Variants in AGBL4 observed in about 807,000 individuals in gnomAD.
AGBL4 encodes the protein AGBL carboxypeptidase 4.
AGBL4 carries 58 observed loss-of-function variants against 66.4 expected under a neutral mutation model. The observed-to-expected ratio is 0.87, with a 90% confidence interval of 0.71 to 1.09. The LOEUF (loss-of-function observed/expected upper bound fraction) is 1.09. Ranked by LOEUF, AGBL4 falls within the 50% of genes least tolerant of loss-of-function variation. AGBL4 has a pLI of 0.00. For synonymous variants in AGBL4, 234 were observed against 222.9 expected, an observed-to-expected ratio of 1.05 and a Z score of -0.44; for missense variants, 579 against 631.0, an observed-to-expected ratio of 0.92 and a Z score of 0.88.
chr1:49,820,982 G>A (rs1275952966), intron 2 of AGBL4, among the ~76,000 whole-genome samples: 1 of 152,140 alleles, frequency 6.6e-6, no homozygotes. Context: ...CAATAGATGT[G>A]AAAACACTTT....
intron 3 of AGBL4, among the ~76,000 whole-genome samples, chr1:49,296,245 A>C (rs1192646178): frequency 6.6e-6 from 1 of 152,194 alleles, no homozygotes; most frequent in Non-Finnish European, 1.5e-5. Context: ...CAGTTGAGAA[A>C]ATAGAGGTTC....
At chr1:48,888,009 G>A (rs1294039292) in intron 5 of AGBL4, among the ~76,000 whole-genome samples, 3 of 152,118 alleles carry the variant, frequency 2.0e-5, no homozygotes, top group African/African-American at 7.2e-5. Flanking sequence ...GGAAGCCAAA[G>A]CCAAAAGCAA....
chr1:49,271,399 T>A (rs932025252), intron 3 of AGBL4, among the ~76,000 whole-genome samples: 3 of 151,796 alleles, frequency 2.0e-5, no homozygotes, highest in Non-Finnish European at 4.4e-5. Context: ...AAAAAAAAAA[T>A]TCAAAAGCCA....
intron 1 of AGBL4, among the ~76,000 whole-genome samples, chr1:49,948,227 TATATAAATATATAA>T (rs1343226212): frequency 9.6e-6 from 1 of 103,844 alleles, no homozygotes; most frequent in Non-Finnish European, 1.7e-5. Flanking sequence ...TATATAAATA[TATATAAATATATAA>T]ATAAATACAT....
chr1:49,190,148 GAAAA>G (rs1259664195), intron 4 of AGBL4, among the ~76,000 whole-genome samples: 1 of 152,200 alleles, frequency 6.6e-6, no homozygotes, highest in Non-Finnish European at 1.5e-5. Context: ...CTAGAGGCCA[GAAAA>G]GTGGTTTCCT....
intron 3 of AGBL4, among the ~76,000 whole-genome samples, chr1:49,263,347 C>G (rs1653410512): frequency 6.6e-6 from 1 of 151,908 alleles, no homozygotes; most frequent in South Asian, 2.1e-4. Flanking sequence ...ATATTGATGA[C>G]TTTCTGAAAA....
intron 5 of AGBL4, among the ~76,000 whole-genome samples, chr1:48,876,773 T>G (rs1269750190): frequency 6.6e-6 from 1 of 152,214 alleles, no homozygotes; most frequent in East Asian, 1.9e-4. Context: ...TTGAGAAGTT[T>G]GTTGCAGATG....
chr1:49,863,924 T>C (rs937610497), intron 1 of AGBL4, among the ~76,000 whole-genome samples: 27 of 152,228 alleles, frequency 1.8e-4, no homozygotes, highest in Admixed American at 1.4e-3. Flanking sequence ...ATCCCACTGC[T>C]GGGTATATAA....
In AGBL4 at chr1:49,219,225, T is replaced by C. The variant is rs375882670; in HGVS notation, c.377+26545A>G. The stretch of plus-strand genomic sequence containing the variant: ...CATCATGGGACAACACATTCTTCTT[T>C]AAATATGTCAGTTTACTGTTAGTCT... On this transcript the variant is annotated intron_variant, in intron 4 of 13. Coordinates refer to ENST00000371839, the MANE Select transcript of AGBL4 (RefSeq NM_032785.4). Among the ~76,000 whole-genome samples, 5 of 152,286 alleles carry C rather than the reference T, an allele frequency of 3.3e-5. No homozygotes were observed. In the South Asian group the frequency reaches 1.0e-3, roughly 32 times the overall value.
At chr1:48,578,717 G>T (rs1202943366) in intron 11 of AGBL4, among the ~76,000 whole-genome samples, 2 of 152,186 alleles carry the variant, frequency 1.3e-5, no homozygotes, top group African/African-American at 2.4e-5. Flanking sequence ...GATCCAAGTG[G>T]ATTAGCAGAT....
intron 3 of AGBL4, among the ~76,000 whole-genome samples, chr1:49,510,674 A>G (rs1649145138): frequency 6.6e-6 from 1 of 151,406 alleles, no homozygotes; most frequent in Non-Finnish European, 1.5e-5. Flanking sequence ...TATGTCCTGA[A>G]TGGTAATGCC....
chr1:49,968,858 G>C (rs1257901068), intron 1 of AGBL4, among the ~76,000 whole-genome samples: 2 of 152,220 alleles, frequency 1.3e-5, no homozygotes, highest in Non-Finnish European at 2.9e-5. Context: ...TCATGGCAAA[G>C]TGACACTGTA....
chr1:49,007,999 C>T, intron 5 of AGBL4, among the ~76,000 whole-genome samples: 2 of 152,170 alleles, frequency 1.3e-5, no homozygotes, highest in Admixed American at 1.3e-4. Flanking sequence ...CTAACATCAT[C>T]ATGACAGGAT....
chr1:48,776,879 C>T (rs1286787171), intron 6 of AGBL4: 8 of 870,760 alleles, frequency 9.2e-6, no homozygotes, highest in Non-Finnish European at 1.2e-5. Flanking sequence ...GCCCGCGGGG[C>T]GGGCGCGGAG....
intron 3 of AGBL4, 73 bp downstream of exon 3, chr1:49,697,240 A>C (rs537200811): frequency 3.5e-6 from 5 of 1,423,044 alleles, no homozygotes; most frequent in Admixed American, 2.1e-5. Flanking sequence ...CATTATTTTG[A>C]TATTTCTAAA....
chr1:48,835,226 A>G (rs1013232744), intron 6 of AGBL4, among the ~76,000 whole-genome samples: 1 of 152,112 alleles, frequency 6.6e-6, no homozygotes, highest in Non-Finnish European at 1.5e-5. Flanking sequence ...CCCTGCCAAA[A>G]TTATCTCTTA....
At chr1:49,676,370 T>C (rs1294340005) in intron 3 of AGBL4, among the ~76,000 whole-genome samples, 1 of 152,070 alleles carries the variant, frequency 6.6e-6, no homozygotes, top group African/African-American at 2.4e-5. Flanking sequence ...CATGAGGGAA[T>C]ATATGGTCTA....
At chr1:48,776,562 G>GC in intron 6 of AGBL4, 6 of 1,016,232 alleles carry the variant, frequency 5.9e-6, no homozygotes, top group Non-Finnish European at 7.7e-6. Flanking sequence ...CGGGGTCCCA[G>GC]CCCCCGCCCG....
chr1:48,974,351 T>C (rs553134416), intron 5 of AGBL4, among the ~76,000 whole-genome samples: 2 of 152,144 alleles, frequency 1.3e-5, no homozygotes, highest in Non-Finnish European at 2.9e-5. Flanking sequence ...ATGTGTTTCC[T>C]GTGTGCAAAT....
Sources: allele counts gnomAD v4.1 joint callset (sites outside exome capture counted in the v4.1 genomes callset), GRCh38; gene constraint gnomAD v4.1.1; transcripts MANE v1.5; gene names NCBI Gene and HGNC (gene_info 2026-07-23, HGNC 2026-07-21).